The following FBLN2 variants were observed in gnomAD, a reference collection of about 807,000 sequenced individuals.
FBLN2 encodes the protein fibulin 2.
FBLN2 carries 81 observed loss-of-function variants against 123.7 expected under a neutral mutation model. That is an observed-to-expected ratio of 0.65 (90% CI 0.55 to 0.79). FBLN2 has a LOEUF of 0.79. FBLN2 is among the 30% of genes least tolerant of loss of function. FBLN2 has a pLI of 0.00. For synonymous variants in FBLN2, 699 were observed against 701.4 expected, an observed-to-expected ratio of 1.00 and a Z score of 0.05; for missense variants, 1,603 against 1,681.3, an observed-to-expected ratio of 0.95 and a Z score of 0.81.
intron 2 of FBLN2, among the ~76,000 whole-genome samples, chr3:13,580,157 G>A (rs1704276948): frequency 6.6e-6 from 1 of 152,226 alleles, no homozygotes; most frequent in South Asian, 2.1e-4. Context: ...TTCCAGTGGA[G>A]GCCATGAGCT....
At chr3:13,569,506 C>G (rs529760462) in intron 1 of FBLN2, among the ~76,000 whole-genome samples, 9 of 148,156 alleles carry the variant, frequency 6.1e-5, no homozygotes, top group African/African-American at 2.3e-4. Flanking sequence ...GGGTAGAGAC[C>G]GTGGGGAGGG....
chr3:13,570,335 C>G lies in FBLN2; in HGVS notation c.-21C>G, dbSNP rs1202127697. 1.4e-5 allele frequency: 21 copies of G among 1,503,474 alleles called. No homozygotes were observed. Among genetic ancestry groups the G allele is most frequent in the Non-Finnish European group, 1.9e-5 (21 of 1,122,442 alleles). 93.1% of individuals were successfully genotyped at this position (1,503,474 alleles called of 1,614,324 possible). On this transcript the variant is annotated 5_prime_UTR_variant, in exon 2 of 18. Coordinates refer to ENST00000404922, the MANE Select transcript of FBLN2 (RefSeq NM_001004019.2). ...CCCAGGGTCTTACAGGAGAGGGGAC[C>G]GTCCTGGGCTGGCCTGGACCATGGT... is the stretch of plus-strand genomic sequence containing the variant.
chr3:13,583,505 T>C (rs1704403274), intron 2 of FBLN2, among the ~76,000 whole-genome samples: 1 of 152,220 alleles, frequency 6.6e-6, no homozygotes, highest in Non-Finnish European at 1.5e-5. Context: ...CATTTCCCTG[T>C]TGTGGGCAGA....
In FBLN2 at chr3:13,576,119, A is replaced by G. The variant is rs1003171663; in HGVS notation, c.1306+4458A>G. ...CCACAGAGACCCCAGTTTCACCCTC[A>G]TTGCATGTGCATGGGCTTTGCACAT... On this transcript the variant is annotated intron_variant, in intron 2 of 17. Coordinates refer to ENST00000404922, the MANE Select transcript of FBLN2 (RefSeq NM_001004019.2). 3.3e-5 allele frequency among the ~76,000 whole-genome samples: 5 copies of G among 152,308 alleles called. No individual in the cohort carries two copies. In the South Asian group the frequency reaches 1.0e-3, roughly 32 times the overall value.
At chr3:13,612,135 G>T (rs1705409830) in intron 4 of FBLN2, among the ~76,000 whole-genome samples, 1 of 152,084 alleles carries the variant, frequency 6.6e-6, no homozygotes, top group Non-Finnish European at 1.5e-5. Flanking sequence ...TCATCTTGGG[G>T]TCAATTTTTT....
rs1273148561 is a variant in FBLN2, at chr3:13,591,743, A to C, written c.1307-16319A>C. Among the ~76,000 whole-genome samples, 3 of 152,346 alleles carry C rather than the reference A, an allele frequency of 2.0e-5. No individual in the cohort carries two copies. The East Asian group carries it at 5.8e-4, about 29-fold the overall frequency. ...TTCAAGATTTTGTGTCCTGTTTAAG[A>C]AATTGATGTCTCTCCCAAGGTCATA... On this transcript the variant is annotated intron_variant, in intron 2 of 17. Transcript: ENST00000404922.
intron 1 of FBLN2, among the ~76,000 whole-genome samples, chr3:13,560,947 A>C (rs1383889577): frequency 6.6e-6 from 1 of 151,652 alleles, no homozygotes; most frequent in African/African-American, 2.4e-5. Context: ...CCAAGTAGCT[A>C]GATACAGAGT....
intron 1 of FBLN2, among the ~76,000 whole-genome samples, chr3:13,565,497 A>G (rs866254655): frequency 6.6e-6 from 1 of 152,356 alleles, no homozygotes; most frequent in Middle Eastern, 3.4e-3. Flanking sequence ...GCAGAGGCTC[A>G]CGCTTGTGAT....
chr3:13,587,465 C>T (rs1704545790), intron 2 of FBLN2, among the ~76,000 whole-genome samples: 1 of 152,160 alleles, frequency 6.6e-6, no homozygotes, highest in African/African-American at 2.4e-5. Flanking sequence ...CATTGAGTCA[C>T]CCACGGCAGC....
At position 13,570,353 on chromosome 3, in the gene FBLN2, A is replaced by G. The variant is rs751990453; in HGVS notation, c.-3A>G. The G allele has an allele frequency of 5.0e-5, 77 of 1,548,052 alleles. No homozygotes were observed. The highest frequency in any genetic ancestry group is 5.9e-5 in the Non-Finnish European group (68 of 1,144,816). ...AGGGGACCGTCCTGGGCTGGCCTGGACCATGGTGCTGCTCTGGGAGCCTGC... is the reference window on the plus strand; with the variant it reads ...AGGGGACCGTCCTGGGCTGGCCTGGGCCATGGTGCTGCTCTGGGAGCCTGC... On this transcript the variant is annotated 5_prime_UTR_variant, in exon 2 of 18. Coordinates refer to ENST00000404922, the MANE Select transcript of FBLN2 (RefSeq NM_001004019.2).
intron 1 of FBLN2, chr3:13,568,630 C>T (rs929110798): frequency 2.6e-5 from 8 of 307,406 alleles, no homozygotes; most frequent in Admixed American, 6.5e-5. Flanking sequence ...CCGGCCTCAG[C>T]CCCTTGGCCC....
chr3:13,635,399 C>CA (rs1559430311), intron 16 of FBLN2, among the ~76,000 whole-genome samples: 7 of 151,778 alleles, frequency 4.6e-5, no homozygotes, highest in African/African-American at 1.5e-4. Flanking sequence ...CACACACACA[C>CA]CCACACACAC....
chr3:13,604,099 G>T (rs916515797), intron 2 of FBLN2, among the ~76,000 whole-genome samples: 6 of 152,234 alleles, frequency 3.9e-5, no homozygotes, highest in African/African-American at 1.4e-4. Context: ...ATTTTTTCTT[G>T]TAAATTTAAG....
chr3:13,617,138 T>C (rs113051395), intron 5 of FBLN2, among the ~76,000 whole-genome samples: 411 of 102,738 alleles, frequency 4.0e-3, no homozygotes, highest in African/African-American at 0.017. Flanking sequence ...GCCCATCCAT[T>C]CATCAATCCA....
intron 2 of FBLN2, among the ~76,000 whole-genome samples, chr3:13,597,443 A>G (rs1322669875): frequency 6.6e-6 from 1 of 152,000 alleles, no homozygotes; most frequent in Non-Finnish European, 1.5e-5. Flanking sequence ...TTTTCCTTAT[A>G]ATTTTACCCC....
intron 2 of FBLN2, among the ~76,000 whole-genome samples, chr3:13,602,008 G>A (rs1332013104): frequency 6.6e-6 from 1 of 152,136 alleles, no homozygotes; most frequent in Non-Finnish European, 1.5e-5. Context: ...TTCTCAGGCT[G>A]GTCTCAAACT....
Position 13,629,839 on chromosome 3 carries a change from C to T in FBLN2, c.2862C>T (p.Ala954=), listed in dbSNP as rs1358200694. 6 of 1,579,006 alleles carry T rather than the reference C, an allele frequency of 3.8e-6. No individual in the cohort carries two copies. Among genetic ancestry groups the T allele is most frequent in the Non-Finnish European group, 5.2e-6 (6 of 1,163,078 alleles). Residue 954 remains alanine, a synonymous_variant, in exon 14 of 18, where the codon GCC becomes GCT. Coordinates refer to ENST00000404922, the MANE Select transcript of FBLN2 (RefSeq NM_001004019.2). ...CCACAGACGTGAATGAGTGCTGGGC[C>T]TCGCCAGGCCGCCTGTGCCAGCACA... is the stretch of plus-strand genomic sequence containing the variant. ...RGCIDVNECW[A]SPGRLCQHTC... is the part of the protein sequence containing the mutation.
At chr3:13,629,127 G>T in intron 12 of FBLN2, 37 bp from the exon 13 acceptor site, 1 of 1,612,742 alleles carries the variant, frequency 6.2e-7, no homozygotes, top group South Asian at 1.1e-5. Context: ...TGTGGAGGGA[G>T]CCCCAGGCCT....
intron 14 of FBLN2, among the ~76,000 whole-genome samples, chr3:13,630,443 G>A (rs1706217904): frequency 6.6e-6 from 1 of 152,236 alleles, no homozygotes; most frequent in African/African-American, 2.4e-5. Flanking sequence ...CATTTACCTG[G>A]CACGGTCTTT....
Sources: gnomAD v4.1 joint callset for allele counts (sites outside exome capture counted in the v4.1 genomes callset) on GRCh38, gnomAD v4.1.1 for gene constraint, MANE v1.5 for transcripts, NCBI Gene and HGNC (gene_info 2026-07-23, HGNC 2026-07-21) for gene names.